The following CNTNAP5 variants were observed in gnomAD, a reference collection of about 807,000 sequenced individuals.
CNTNAP5 encodes the protein contactin-associated protein-like 5.
CNTNAP5 carries 72 observed loss-of-function variants against 150.2 expected under a neutral mutation model. The ratio of observed to expected loss-of-function variants is 0.48; its 90% confidence interval spans 0.40 to 0.58. CNTNAP5 has a LOEUF of 0.58. Ranked by LOEUF, CNTNAP5 falls within the 20% of genes least tolerant of loss-of-function variation. The pLI, the probability that CNTNAP5 is intolerant of heterozygous loss-of-function variation, is 0.00. For missense variants in CNTNAP5, 1,636 were observed against 1,626.2 expected, an observed-to-expected ratio of 1.01 and a Z score of -0.10; for synonymous variants, 672 against 619.8, an observed-to-expected ratio of 1.08 and a Z score of -1.25.
At chr2:124,040,468 T>C (rs1558734527) in intron 1 of CNTNAP5, among the ~76,000 whole-genome samples, 1 of 152,168 alleles carries the variant, frequency 6.6e-6, no homozygotes, top group Non-Finnish European at 1.5e-5. Flanking sequence ...TCCTTTGGTT[T>C]TGAGGTATTG....
At chr2:124,502,903 A>G (rs1573417983) in intron 7 of CNTNAP5, among the ~76,000 whole-genome samples, 5 of 152,308 alleles carry the variant, frequency 3.3e-5, no homozygotes, top group Admixed American at 3.3e-4. Flanking sequence ...AACTAGGCAC[A>G]TGGCTTTTGC....
intron 13 of CNTNAP5, among the ~76,000 whole-genome samples, chr2:124,711,853 A>C (rs1679814958): frequency 6.6e-6 from 1 of 152,148 alleles, no homozygotes; most frequent in Non-Finnish European, 1.5e-5. Context: ...AAAAAACAAT[A>C]ACAATAATTT....
At chr2:124,597,395 C>T (rs1385850939) in intron 11 of CNTNAP5, among the ~76,000 whole-genome samples, 1 of 149,116 alleles carries the variant, frequency 6.7e-6, no homozygotes, top group Non-Finnish European at 1.5e-5. Context: ...TTCTCCTTCA[C>T]TTATGAAGCT....
intron 11 of CNTNAP5, among the ~76,000 whole-genome samples, chr2:124,573,025 A>C (rs1159884527): frequency 6.6e-6 from 1 of 152,210 alleles, no homozygotes; most frequent in Non-Finnish European, 1.5e-5. Flanking sequence ...ATAGTAGACA[A>C]TCACTGAATG....
chr2:124,640,545 C>T (rs561712015), intron 12 of CNTNAP5, among the ~76,000 whole-genome samples: 1 of 152,226 alleles, frequency 6.6e-6, no homozygotes, highest in East Asian at 1.9e-4. Flanking sequence ...TAGTGAGGCA[C>T]GGATGGATTC....
intron 16 of CNTNAP5, among the ~76,000 whole-genome samples, chr2:124,770,199 A>G (rs994284547): frequency 6.6e-6 from 1 of 152,210 alleles, no homozygotes; most frequent in Admixed American, 6.5e-5. Flanking sequence ...AGTGAATAAA[A>G]TGAGAACTTC....
intron 14 of CNTNAP5, among the ~76,000 whole-genome samples, chr2:124,751,274 T>C (rs1017238197): frequency 3.3e-5 from 5 of 152,186 alleles, no homozygotes; most frequent in African/African-American, 1.2e-4. Flanking sequence ...AATATAAAAA[T>C]CACCGGCCTC....
chr2:124,783,371 C>T (rs1681495051), intron 17 of CNTNAP5, among the ~76,000 whole-genome samples: 1 of 152,096 alleles, frequency 6.6e-6, no homozygotes, highest in African/African-American at 2.4e-5. Flanking sequence ...ACTTATTTAT[C>T]ATTCTCTTTT....
At chr2:124,469,538 A>T (rs533132437) in intron 6 of CNTNAP5, among the ~76,000 whole-genome samples, 3 of 152,294 alleles carry the variant, frequency 2.0e-5, no homozygotes, top group South Asian at 4.1e-4. Context: ...AAAAATTTGC[A>T]AATCCAAAAT....
At chr2:124,101,011 T>A (rs1381518007) in intron 1 of CNTNAP5, among the ~76,000 whole-genome samples, 1 of 152,174 alleles carries the variant, frequency 6.6e-6, no homozygotes, top group Admixed American at 6.5e-5. Context: ...GCTTTGGGAA[T>A]GTGTTAAACA....
At chr2:124,623,038 A>C (rs1488671462) in intron 12 of CNTNAP5, among the ~76,000 whole-genome samples, 1 of 152,172 alleles carries the variant, frequency 6.6e-6, no homozygotes, top group Admixed American at 6.6e-5. Context: ...CTAGAGATGA[A>C]GCTTCTGCCC....
intron 3 of CNTNAP5, among the ~76,000 whole-genome samples, chr2:124,385,851 A>G (rs983426880): frequency 2.0e-5 from 3 of 152,074 alleles, no homozygotes; most frequent in African/African-American, 7.2e-5. Flanking sequence ...ACCAATGTCC[A>G]CTTCCTTTTT....
chr2:124,119,754 T>C (rs775224912), intron 1 of CNTNAP5, among the ~76,000 whole-genome samples: 11 of 152,090 alleles, frequency 7.2e-5, no homozygotes, highest in Non-Finnish European at 1.3e-4. Context: ...AAAGACAAGA[T>C]ATAAGATAGA....
chr2:124,233,771 T>G (rs1376975469), intron 2 of CNTNAP5, among the ~76,000 whole-genome samples: 1 of 142,474 alleles, frequency 7.0e-6, no homozygotes, highest in Admixed American at 7.3e-5. Flanking sequence ...TCCATAGTTG[T>G]GATGCCTGTG....
chr2:124,031,060 A>G (rs1387889727), intron 1 of CNTNAP5, among the ~76,000 whole-genome samples: 2 of 148,946 alleles, frequency 1.3e-5, no homozygotes, highest in East Asian at 2.0e-4. Flanking sequence ...CAAATCTTGC[A>G]TTTATTTTCA....
intron 3 of CNTNAP5, among the ~76,000 whole-genome samples, chr2:124,293,659 A>G (rs1365714077): frequency 2.0e-5 from 3 of 152,196 alleles, no homozygotes; most frequent in Non-Finnish European, 2.9e-5. Flanking sequence ...TGTTCTATGC[A>G]TTATGCATAC....
intron 3 of CNTNAP5, among the ~76,000 whole-genome samples, chr2:124,325,498 T>A (rs1689193307): frequency 1.3e-5 from 2 of 152,208 alleles, no homozygotes; most frequent in South Asian, 4.1e-4. Context: ...CAATGATGTT[T>A]CTCTAATACA....
At chr2:124,102,494 C>T (rs1683086295) in intron 1 of CNTNAP5, among the ~76,000 whole-genome samples, 1 of 152,184 alleles carries the variant, frequency 6.6e-6, no homozygotes, top group Non-Finnish European at 1.5e-5. Flanking sequence ...AGGCAAGTCA[C>T]TCAATCTCTT....
At chr2:124,521,936 G>A (rs181799025) in intron 8 of CNTNAP5, among the ~76,000 whole-genome samples, 9 of 152,246 alleles carry the variant, frequency 5.9e-5, no homozygotes, top group Non-Finnish European at 1.2e-4. Flanking sequence ...ACTGCCTTTG[G>A]GAGGAAGTGG....
Sources: gnomAD v4.1 joint callset for allele counts (sites outside exome capture counted in the v4.1 genomes callset) on GRCh38, gnomAD v4.1.1 for gene constraint, MANE v1.5 for transcripts, NCBI Gene and HGNC (gene_info 2026-07-23, HGNC 2026-07-21) for gene names.